TGFBR1: variants seen among roughly 807,000 people sequenced by gnomAD.
The protein encoded by TGFBR1 is transforming growth factor beta receptor 1, also known as TGF-beta receptor type-1.
Under a neutral mutation model 55.1 loss-of-function variants are expected in TGFBR1, and 20 were observed. That is an observed-to-expected ratio of 0.36 (90% CI 0.26 to 0.53). The LOEUF is 0.53. TGFBR1 is among the 20% of genes least tolerant of loss of function. The probability of loss-of-function intolerance (pLI) is 0.91; values close to 1 mark genes in which losing one functional copy is unlikely to be tolerated. For synonymous variants in TGFBR1, 220 were observed against 214.8 expected (o/e 1.02, Z -0.21); for missense variants, 385 against 617.6 (o/e 0.62, Z 3.99).
At chr9:99,141,248 G>T (rs1026984819) in intron 4 of TGFBR1, among the ~76,000 whole-genome samples, 2 of 152,190 alleles carry the variant, frequency 1.3e-5, no homozygotes, top group African/African-American at 4.8e-5. Flanking sequence ...GCAAGGGTGC[G>T]AGTTTGGTCA....
intron 1 of TGFBR1, among the ~76,000 whole-genome samples, chr9:99,125,099 G>A (rs1452189913): frequency 6.6e-6 from 1 of 152,020 alleles, no homozygotes; most frequent in Non-Finnish European, 1.5e-5. Flanking sequence ...ATAGCTTTAG[G>A]TCTAATTCCA....
intron 1 of TGFBR1, among the ~76,000 whole-genome samples, chr9:99,105,980 G>C (rs937109709): frequency 6.6e-6 from 1 of 152,270 alleles, no homozygotes; most frequent in African/African-American, 2.4e-5. Context: ...GAAGAAGGAA[G>C]CGCGGAGATG....
intron 8 of TGFBR1, among the ~76,000 whole-genome samples, chr9:99,148,020 C>T (rs187029488): frequency 1.3e-5 from 2 of 152,252 alleles, no homozygotes; most frequent in African/African-American, 2.4e-5. Context: ...TTAGATCTGC[C>T]GGGCGAACTA....
chr9:99,118,782 G>T (rs1826820579), intron 1 of TGFBR1, among the ~76,000 whole-genome samples: 1 of 151,704 alleles, frequency 6.6e-6, no homozygotes, highest in African/African-American at 2.4e-5. Flanking sequence ...AAATAGCTGG[G>T]ACTACAGGTG....
At chr9:99,107,680 G>T (rs1048673179) in intron 1 of TGFBR1, among the ~76,000 whole-genome samples, 1 of 152,078 alleles carries the variant, frequency 6.6e-6, no homozygotes, top group Non-Finnish European at 1.5e-5. Flanking sequence ...AGCCTTCCCC[G>T]TGAAGGTTTA....
chr9:99,109,753 CAT>C (rs1052640125), intron 1 of TGFBR1, among the ~76,000 whole-genome samples: 4 of 152,146 alleles, frequency 2.6e-5, no homozygotes, highest in African/African-American at 9.7e-5. Context: ...GGTTTGATAT[CAT>C]GTGATTGGGT....
rs66612011 is a variant in TGFBR1 at position 99,128,475 on chromosome 9, T to TAA, written c.98-357_98-356dup. Among the ~76,000 whole-genome samples the TAA allele has an allele frequency of 5.6e-3, 580 of 104,002 alleles. 3 individuals carry two copies. The highest frequency in any genetic ancestry group is 0.019 in the African/African-American group (531 of 28,244). 68.2% of individuals were successfully genotyped at this position (104,002 alleles called of 152,430 possible). A position where few individuals can be genotyped will look rare whatever the true frequency, so the allele number is the denominator to read the frequency against. On this transcript the variant is annotated intron_variant, in intron 1 of 8. Coordinates refer to ENST00000374994, the MANE Select transcript of TGFBR1 (RefSeq NM_004612.4). ...ATGTGAATGTTTAGTTTGGGCCTGG[T>TAA]AAAAAAAAAAAAAAAAAAAAAAAAG...
intron 1 of TGFBR1, among the ~76,000 whole-genome samples, chr9:99,111,733 C>T (rs985528620): frequency 3.9e-5 from 6 of 152,146 alleles, no homozygotes; most frequent in Non-Finnish European, 8.8e-5. Flanking sequence ...CAAACAGCTT[C>T]AGTTTACAGA....
At chr9:99,135,105 T>C (rs149956705) in intron 3 of TGFBR1, among the ~76,000 whole-genome samples, 15 of 152,228 alleles carry the variant, frequency 9.9e-5, no homozygotes, top group African/African-American at 2.9e-4. Context: ...TGTAGAGTTA[T>C]GTCCAAATGA....
intron 1 of TGFBR1, among the ~76,000 whole-genome samples, chr9:99,105,808 C>T (rs559929964): frequency 1.6e-4 from 25 of 152,200 alleles, no homozygotes; most frequent in Admixed American, 1.2e-3. Context: ...GGCTCCCGGG[C>T]GGGGTGTGAG....
chr9:99,124,634 T>G (rs1826984746), intron 1 of TGFBR1, among the ~76,000 whole-genome samples: 1 of 152,136 alleles, frequency 6.6e-6, no homozygotes, highest in Non-Finnish European at 1.5e-5. Context: ...AAGTTCTTAT[T>G]TTAGTTTTTC....
At position 99,128,955 on chromosome 9, in the gene TGFBR1, A is replaced by T. The variant is rs2118566386; in HGVS notation, c.198A>T (p.Ile66=). The T allele has an allele frequency of 6.2e-7, 1 of 1,614,026 alleles. No individual in the cohort carries two copies. Among genetic ancestry groups the T allele is most frequent in the Non-Finnish European group, 8.5e-7 (1 of 1,179,960 alleles). ...TCACAGAGACCACAGACAAAGTTAT[A>T]CACAACAGCATGTGTATAGCTGAAA... ...VSVTETTDKV[I]HNSMCIAEID... The change falls in exon 2 of 9, where the codon ATA becomes ATT. Residue 66 remains isoleucine, a synonymous_variant. Coordinates refer to ENST00000374994, the MANE Select transcript of TGFBR1 (RefSeq NM_004612.4).
At position 99,142,565 on chromosome 9, in the gene TGFBR1, G is replaced by C. The variant is rs112300506; in HGVS notation, c.835G>C (p.Val279Leu). 3 of 1,614,010 alleles carry C rather than the reference G, an allele frequency of 1.9e-6. No individual in the cohort carries two copies. Among genetic ancestry groups the C allele is most frequent in the Non-Finnish European group, 2.5e-6 (3 of 1,179,940 alleles). The change falls in exon 5 of 9, where the codon GTG (valine) becomes CTG (leucine). Residue 279 changes from valine to leucine, a missense_variant. This residue lies in a region of TGFBR1 where 85 missense variants were observed against 228.4 expected (regional missense o/e 0.37). Transcript: ENST00000374994. ...DNGTWTQLWL[V>L]SDYHEHGSLF... is the part of the protein sequence containing the mutation. ...TGGTACTTGGACTCAGCTCTGGTTG[G>C]TGTCAGATTATCATGAGCATGGATC...
chr9:99,103,935 A>C (rs1213027374), upstream of TGFBR1: 1 of 152,206 alleles, frequency 6.6e-6, no homozygotes, highest in Non-Finnish European at 1.5e-5. Flanking sequence ...GGTTTATTTA[A>C]TTCTAAGCTC....
intron 4 of TGFBR1, among the ~76,000 whole-genome samples, chr9:99,138,487 A>AAT (rs1315377363): frequency 6.6e-6 from 1 of 152,210 alleles, no homozygotes; most frequent in Non-Finnish European, 1.5e-5. Context: ...AGGATGTTTC[A>AAT]ATATGGACTA....
chr9:99,134,802 T>TTATATATATATATATATATA (rs10625219), intron 3 of TGFBR1, among the ~76,000 whole-genome samples: 1 of 41,366 alleles, frequency 2.4e-5, no homozygotes, highest in Non-Finnish European at 4.2e-5. Context: ...TCTGTTTCCA[T>TTATATATATATATATATATA]TATATATATA....
At chr9:99,146,356 TGA>T in intron 6 of TGFBR1, 127 bp from the exon 7 acceptor site, 2 of 1,114,570 alleles carry the variant, frequency 1.8e-6, no homozygotes, top group Non-Finnish European at 2.7e-6. Flanking sequence ...ATATTTTTCT[TGA>T]GTCTAATATT....
chr9:99,131,676 TTGG>T (rs1827228696), intron 2 of TGFBR1, among the ~76,000 whole-genome samples: 1 of 151,966 alleles, frequency 6.6e-6, no homozygotes. Context: ...CTTTAAAAAA[TTGG>T]TGGACCTATT....
At chr9:99,140,955 CTTCT>C (rs766119082) in intron 4 of TGFBR1, among the ~76,000 whole-genome samples, 50 of 152,192 alleles carry the variant, frequency 3.3e-4, no homozygotes, top group Admixed American at 2.0e-3. Context: ...CCCTACTCCC[CTTCT>C]TTCTTCTTTG....
Sources: gnomAD v4.1 joint callset for allele counts (sites outside exome capture counted in the v4.1 genomes callset) on GRCh38, gnomAD v4.1.1 for gene constraint, gnomAD v4.1.1 regional missense constraint, MANE v1.5 for transcripts, NCBI Gene and HGNC (gene_info 2026-07-23, HGNC 2026-07-21) for gene names.